SEMA6D: variants seen among roughly 807,000 people sequenced by gnomAD.
SEMA6D encodes the protein semaphorin 6D.
SEMA6D carries 35 observed loss-of-function variants against 106.6 expected under a neutral mutation model. That is an observed-to-expected ratio of 0.33 (90% CI 0.25 to 0.44). SEMA6D has a LOEUF of 0.44. Among genes scored for constraint, SEMA6D ranks in the 20% least tolerant of loss-of-function variants. SEMA6D has a pLI of 1.00. For missense variants in SEMA6D, 1,185 were observed against 1,345.9 expected, an observed-to-expected ratio of 0.88 and a Z score of 1.87; for synonymous variants, 499 against 487.7, an observed-to-expected ratio of 1.02 and a Z score of -0.31.
chr15:47,512,339 G>A (rs1182890322), intron 3 of SEMA6D, among the ~76,000 whole-genome samples: 1 of 152,192 alleles, frequency 6.6e-6, no homozygotes, highest in Admixed American at 6.5e-5. Flanking sequence ...TATTTCTCCT[G>A]CATGTGTGAT....
intron 4 of SEMA6D, among the ~76,000 whole-genome samples, chr15:47,696,862 T>G (rs149696081): frequency 3.3e-3 from 498 of 152,328 alleles, no homozygotes; most frequent in African/African-American, 0.012. Flanking sequence ...CTCATAGTTA[T>G]GAAGATTAAC....
In SEMA6D at chr15:47,221,244, A is replaced by T. The variant is rs6493266; in HGVS notation, c.-239+36826A>T. Among the ~76,000 whole-genome samples, 4 of 152,128 alleles carry T rather than the reference A, an allele frequency of 2.6e-5. No homozygotes were observed. The East Asian group carries it at 7.7e-4, about 29-fold the overall frequency. On this transcript the variant is annotated intron_variant, in intron 1 of 19. Transcript: ENST00000558014. ...TGCTGCTTTGGTGCCAATTCACCTA[A>T]AGTAGCTGGGCTCCTCTATGAATAT...
At chr15:47,475,338 G>A (rs2042973498) in intron 3 of SEMA6D, among the ~76,000 whole-genome samples, 1 of 152,092 alleles carries the variant, frequency 6.6e-6, no homozygotes, top group Non-Finnish European at 1.5e-5. Flanking sequence ...TTTTCAATGA[G>A]GAAAATAAGG....
chr15:47,436,194 A>C (rs1266854953), intron 2 of SEMA6D, among the ~76,000 whole-genome samples: 1 of 152,086 alleles, frequency 6.6e-6, no homozygotes, highest in Non-Finnish European at 1.5e-5. Context: ...GTTCCAGACC[A>C]GACTGGCCAA....
chr15:47,602,962 T>A (rs1171982937), intron 4 of SEMA6D, among the ~76,000 whole-genome samples: 1 of 152,090 alleles, frequency 6.6e-6, no homozygotes. Context: ...GTCTCTATAG[T>A]CCAGGCAAGA....
intron 2 of SEMA6D, among the ~76,000 whole-genome samples, chr15:47,414,153 T>C (rs73405056): frequency 1.6e-3 from 251 of 152,342 alleles, no homozygotes; most frequent in African/African-American, 5.7e-3. Flanking sequence ...CTTCACACTT[T>C]TATGCATATA....
chr15:47,327,637 T>C (rs1177575158), intron 1 of SEMA6D, among the ~76,000 whole-genome samples: 2 of 152,218 alleles, frequency 1.3e-5, no homozygotes, highest in Admixed American at 6.5e-5. Flanking sequence ...TATTAGATGG[T>C]ATGCAAGCCA....
chr15:47,458,622 G>C (rs539555389), intron 2 of SEMA6D, among the ~76,000 whole-genome samples: 3 of 151,858 alleles, frequency 2.0e-5, no homozygotes, highest in Admixed American at 6.6e-5. Flanking sequence ...GTATGTCAAA[G>C]AAGAAATCAA....
chr15:47,687,448 T>TA (rs146697297), intron 4 of SEMA6D, among the ~76,000 whole-genome samples: 2 of 151,530 alleles, frequency 1.3e-5, no homozygotes, highest in South Asian at 2.1e-4. Flanking sequence ...GGCTGGAATC[T>TA]AAAAAAAAGA....
chr15:47,372,433 A>G (rs879537335), intron 1 of SEMA6D, among the ~76,000 whole-genome samples: 2 of 152,236 alleles, frequency 1.3e-5, no homozygotes, highest in Non-Finnish European at 2.9e-5. Context: ...GCAAAGGTAG[A>G]ACTGGACCTG....
At chr15:47,371,365 G>A (rs938683464) in intron 1 of SEMA6D, among the ~76,000 whole-genome samples, 17 of 152,314 alleles carry the variant, frequency 1.1e-4, no homozygotes, top group African/African-American at 4.1e-4. Context: ...ACTATTATGT[G>A]ATAGATTAAT....
chr15:47,222,092 T>C (rs904728197), intron 1 of SEMA6D, among the ~76,000 whole-genome samples: 8 of 152,172 alleles, frequency 5.3e-5, no homozygotes, highest in Non-Finnish European at 4.4e-5. Flanking sequence ...CTGAGTGGAT[T>C]ATAATTCTGC....
At chr15:47,347,897 C>A (rs561735145) in intron 1 of SEMA6D, among the ~76,000 whole-genome samples, 23 of 152,208 alleles carry the variant, frequency 1.5e-4, no homozygotes, top group Admixed American at 5.2e-4. Context: ...ACAGTAAAAT[C>A]TGTGGTTCTA....
intron 1 of SEMA6D, among the ~76,000 whole-genome samples, chr15:47,328,548 G>C (rs929174508): frequency 3.3e-5 from 5 of 152,208 alleles, no homozygotes; most frequent in African/African-American, 1.2e-4. Flanking sequence ...ATTTGCTCTA[G>C]ATCCTCATCA....
chr15:47,341,113 G>C lies in SEMA6D; in HGVS notation c.-238-71280G>C, dbSNP rs1024668156. Among the ~76,000 whole-genome samples the C allele has an allele frequency of 2.0e-5, 3 of 152,056 alleles. No individual in the cohort carries two copies. The South Asian group carries it at 6.2e-4, about 32-fold the overall frequency. On this transcript the variant is annotated intron_variant, in intron 1 of 19. Transcript: ENST00000558014. ...ACCAAAGGATCAAAAATAGAGTTAGGGGCTGGGCGTGGTGGCCTGTAATCC... is the reference window on the plus strand; with the variant it reads ...ACCAAAGGATCAAAAATAGAGTTAGCGGCTGGGCGTGGTGGCCTGTAATCC...
At chr15:47,500,510 A>C (rs1006100206) in intron 3 of SEMA6D, among the ~76,000 whole-genome samples, 6 of 152,190 alleles carry the variant, frequency 3.9e-5, no homozygotes, top group Admixed American at 2.0e-4. Context: ...TAATAAAAAC[A>C]GACATCATAC....
intron 3 of SEMA6D, among the ~76,000 whole-genome samples, chr15:47,493,683 ATTCGTTATATTT>A (rs1207134180): frequency 3.9e-5 from 6 of 152,056 alleles, no homozygotes; most frequent in African/African-American, 9.7e-5. Flanking sequence ...TATTTCACTT[ATTCGTTATATTT>A]TTGGGAGGTA....
At chr15:47,454,326 T>G (rs1295745421) in intron 2 of SEMA6D, among the ~76,000 whole-genome samples, 1 of 152,016 alleles carries the variant, frequency 6.6e-6, no homozygotes, top group Non-Finnish European at 1.5e-5. Context: ...AAGGCAATTT[T>G]ACAACTTGTC....
chr15:47,371,003 C>T (rs1289399426), intron 1 of SEMA6D, among the ~76,000 whole-genome samples: 6 of 152,272 alleles, frequency 3.9e-5, no homozygotes, highest in South Asian at 2.1e-4. Context: ...TAAGACGTCC[C>T]GCCAGTCAGT....
Sources: gnomAD v4.1 joint callset for allele counts (sites outside exome capture counted in the v4.1 genomes callset) on GRCh38, gnomAD v4.1.1 for gene constraint, MANE v1.5 for transcripts, NCBI Gene and HGNC (gene_info 2026-07-23, HGNC 2026-07-21) for gene names.